The following TENM4 variants were observed in gnomAD, a reference collection of about 807,000 sequenced individuals.
TENM4 encodes the protein teneurin transmembrane protein 4.
Under a neutral mutation model 243.3 loss-of-function variants are expected in TENM4, and 82 were observed. That is an observed-to-expected ratio of 0.34 (90% confidence interval 0.28 to 0.40). The LOEUF (loss-of-function observed/expected upper bound fraction) is 0.40. Ranked by LOEUF, TENM4 falls within the 10% of genes least tolerant of loss-of-function variation. The probability of loss-of-function intolerance (pLI) is 1.00; values close to 1 mark genes in which losing one functional copy is unlikely to be tolerated. For synonymous variants in TENM4, 1,412 were observed against 1,456.3 expected, an observed-to-expected ratio of 0.97 and a Z score of 0.69; for missense variants, 3,138 against 3,673.3, an observed-to-expected ratio of 0.85 and a Z score of 3.77.
At chr11:78,969,451 C>A (rs1857498383) in intron 6 of TENM4, among the ~76,000 whole-genome samples, 1 of 152,184 alleles carries the variant, frequency 6.6e-6, no homozygotes, top group African/African-American at 2.4e-5. Context: ...AACATTCAAC[C>A]ATTCTGGATT....
chr11:79,150,951 G>A (rs1283449259), intron 3 of TENM4, among the ~76,000 whole-genome samples: 7 of 152,100 alleles, frequency 4.6e-5, no homozygotes, highest in Non-Finnish European at 7.4e-5. Context: ...TTTTACAGAT[G>A]AGAAAATAGA....
intron 15 of TENM4, 139 bp from the exon 16 acceptor site, chr11:78,787,222 C>T (rs1339497688): frequency 5.0e-6 from 5 of 993,016 alleles, no homozygotes; most frequent in East Asian, 2.6e-5. Context: ...CACTTGGCTA[C>T]ATACCTGGGC....
At chr11:79,146,447 A>C (rs577342) in intron 4 of TENM4, among the ~76,000 whole-genome samples, 55,965 of 151,960 alleles carry the variant, frequency 0.37, 11,892 homozygotes, top group Middle Eastern at 0.49. Flanking sequence ...GAGGGAAGAG[A>C]CTCAGAAGGA....
At chr11:78,904,316 C>A (rs911841577) in intron 6 of TENM4, among the ~76,000 whole-genome samples, 1 of 142,966 alleles carries the variant, frequency 7.0e-6, no homozygotes, top group African/African-American at 2.8e-5. Context: ...GCTGAGATTG[C>A]GCCACTGCAC....
At chr11:78,928,639 T>G (rs1172294325) in intron 6 of TENM4, among the ~76,000 whole-genome samples, 2 of 152,230 alleles carry the variant, frequency 1.3e-5, no homozygotes, top group African/African-American at 4.8e-5. Flanking sequence ...CTGTGTGACT[T>G]TGTACATATT....
chr11:78,925,771 A>C (rs1489965564), intron 6 of TENM4, among the ~76,000 whole-genome samples: 1 of 152,030 alleles, frequency 6.6e-6, no homozygotes, highest in Non-Finnish European at 1.5e-5. Flanking sequence ...TCCCTTTTAC[A>C]GCCTTGTCAG....
At chr11:78,842,621 T>G (rs775042401) in intron 12 of TENM4, among the ~76,000 whole-genome samples, 9 of 152,254 alleles carry the variant, frequency 5.9e-5, no homozygotes, top group Non-Finnish European at 1.2e-4. Context: ...CCTCTGGGTA[T>G]CACCCTCTCA....
intron 2 of TENM4, among the ~76,000 whole-genome samples, chr11:79,286,407 T>C (rs866699689): frequency 6.6e-6 from 1 of 151,802 alleles, no homozygotes; most frequent in Non-Finnish European, 1.5e-5. Flanking sequence ...ATTCTAGCAC[T>C]TTGGGAGGTG....
intron 4 of TENM4, among the ~76,000 whole-genome samples, chr11:79,103,991 T>C (rs1310089826): frequency 6.6e-6 from 1 of 152,198 alleles, no homozygotes; most frequent in Admixed American, 6.5e-5. Flanking sequence ...CCAGGGCGTT[T>C]GTGTTAGCTG....
chr11:78,772,260 A>T (rs1287892961), intron 17 of TENM4, among the ~76,000 whole-genome samples: 1 of 152,174 alleles, frequency 6.6e-6, no homozygotes, highest in Non-Finnish European at 1.5e-5. Context: ...GTGGCTCAGA[A>T]ATCTACGTTT....
chr11:79,050,386 T>C (rs1859763786), intron 6 of TENM4, among the ~76,000 whole-genome samples: 1 of 152,218 alleles, frequency 6.6e-6, no homozygotes, highest in South Asian at 2.1e-4. Flanking sequence ...GGTTTCCCTC[T>C]TTTTGCTACC....
intron 2 of TENM4, among the ~76,000 whole-genome samples, chr11:79,293,518 A>G: frequency 1.1e-5 from 1 of 93,796 alleles, no homozygotes. Flanking sequence ...TAAAAAAAAA[A>G]AAGAAAAAAA....
At chr11:78,792,935 G>A (rs546076720) in intron 15 of TENM4, among the ~76,000 whole-genome samples, 1 of 152,240 alleles carries the variant, frequency 6.6e-6, no homozygotes, top group Non-Finnish European at 1.5e-5. Flanking sequence ...CTATGATGTG[G>A]AAGGGGGTGA....
chr11:79,228,702 C>A (rs971542709), intron 2 of TENM4, among the ~76,000 whole-genome samples: 1 of 151,362 alleles, frequency 6.6e-6, no homozygotes, highest in African/African-American at 2.4e-5. Flanking sequence ...TCATTTTTTT[C>A]TAATTTTAAA....
intron 20 of TENM4, among the ~76,000 whole-genome samples, chr11:78,737,585 T>C (rs1159998474): frequency 6.6e-6 from 1 of 152,206 alleles, no homozygotes; most frequent in Admixed American, 6.5e-5. Context: ...CTTAGCCAGA[T>C]GGACTGCCAC....
intron 6 of TENM4, among the ~76,000 whole-genome samples, chr11:79,029,769 A>G (rs913739373): frequency 6.6e-6 from 1 of 152,156 alleles, no homozygotes; most frequent in African/African-American, 2.4e-5. Context: ...GTGACTTGGT[A>G]TTTGTGACAA....
intron 15 of TENM4, among the ~76,000 whole-genome samples, 180 bp from the exon 16 acceptor site, chr11:78,787,263 G>A (rs927238240): frequency 6.6e-6 from 1 of 152,186 alleles, no homozygotes; most frequent in Non-Finnish European, 1.5e-5. Flanking sequence ...CCAGAGGCTC[G>A]CGAGACTAAT....
chr11:78,686,587 G>T (rs1945469), intron 29 of TENM4, among the ~76,000 whole-genome samples: 86,237 of 151,848 alleles, frequency 0.57, 27,222 homozygotes, highest in Non-Finnish European at 0.73. Context: ...GCCCTCAACC[G>T]GTGGGATTTG....
At chr11:79,143,838 G>T (rs1032458468) in intron 4 of TENM4, among the ~76,000 whole-genome samples, 1 of 151,680 alleles carries the variant, frequency 6.6e-6, no homozygotes, top group Non-Finnish European at 1.5e-5. Flanking sequence ...CTGAAACTAG[G>T]AAACTACTAA....
Sources: allele counts gnomAD v4.1 joint callset (sites outside exome capture counted in the v4.1 genomes callset), GRCh38; gene constraint gnomAD v4.1.1; transcripts MANE v1.5; gene names NCBI Gene and HGNC (gene_info 2026-07-23, HGNC 2026-07-21).